The following ZC3H12B variants were observed in gnomAD, a reference collection of about 807,000 sequenced individuals.
ZC3H12B encodes probable ribonuclease ZC3H12B.
In ZC3H12B, 7 loss-of-function variants were observed where a neutral mutation model predicts 43.9. That is an observed-to-expected ratio of 0.16 (90% CI 0.09 to 0.30). The LOEUF (loss-of-function observed/expected upper bound fraction) is 0.30, where lower values mean the gene tolerates loss of function less well. ZC3H12B is among the 10% of genes least tolerant of loss of function. The pLI is 1.00. For synonymous variants in ZC3H12B, 222 were observed against 241.7 expected (o/e 0.92, Z 0.76); for missense variants, 475 against 670.2 (o/e 0.71, Z 3.22).
rs762672726 is a variant in ZC3H12B, at chrX:65,480,572, C to T, written n.408-8074C>T. On this transcript the variant is annotated intron_variant and non_coding_transcript_variant, in intron 3 of 5. Coordinates refer to the ZC3H12B transcript ENST00000617377. ...TATAAGAGTACAAGAATGGGCCAGACGCAGTGGCTCACGCCAGTAATCCCA... is the reference window on the plus strand; with the variant it reads ...TATAAGAGTACAAGAATGGGCCAGATGCAGTGGCTCACGCCAGTAATCCCA... 6.1e-4 allele frequency among the ~76,000 whole-genome samples: 68 copies of T among 112,210 alleles called. No individual in the cohort carries two copies. The South Asian group carries it at 0.013, about 21-fold the overall frequency.
the ZC3H12B span, among the ~76,000 whole-genome samples, chrX:65,058,263 G>T: frequency 6.3e-5 from 7 of 111,846 alleles, no homozygotes; most frequent in East Asian, 1.4e-3. Flanking sequence ...GGGTTTTGGT[G>T]TGGATGTCCT....
At chrX:65,235,749 T>A in the ZC3H12B span, among the ~76,000 whole-genome samples, 1 of 111,912 alleles carries the variant, frequency 8.9e-6, no homozygotes, top group Admixed American at 9.5e-5. Context: ...GTGTTACAGC[T>A]CTTGATCAGG....
the ZC3H12B span, among the ~76,000 whole-genome samples, chrX:65,122,515 A>G: frequency 9.0e-6 from 1 of 111,506 alleles, no homozygotes; most frequent in Non-Finnish European, 1.9e-5. Context: ...TAATGACAGG[A>G]TCAAATTCAC....
the ZC3H12B span, among the ~76,000 whole-genome samples, chrX:65,294,005 C>T: frequency 9.0e-6 from 1 of 111,383 alleles, no homozygotes; most frequent in African/African-American, 3.3e-5. Flanking sequence ...GCTCAAAGAA[C>T]GCCCAGGAAA....
At chrX:65,244,727 CAA>C in the ZC3H12B span, among the ~76,000 whole-genome samples, 22 of 20,368 alleles carry the variant, frequency 1.1e-3, no homozygotes, top group Admixed American at 4.7e-3. Context: ...AATACCTTGC[CAA>C]AAAAAAAAAA....
the ZC3H12B span, among the ~76,000 whole-genome samples, chrX:65,248,649 T>A: frequency 8.9e-6 from 1 of 111,871 alleles, no homozygotes; most frequent in Non-Finnish European, 1.9e-5. Flanking sequence ...CTTTAAGGAA[T>A]CTTCACGCTG....
At chrX:65,187,608 G>A in the ZC3H12B span, among the ~76,000 whole-genome samples, 1 of 109,095 alleles carries the variant, frequency 9.2e-6, no homozygotes, top group Non-Finnish European at 1.9e-5. Flanking sequence ...GGCAAAAACC[G>A]CAATTACTTT....
At chrX:65,156,828 C>CATT in the ZC3H12B span, among the ~76,000 whole-genome samples, 2 of 111,300 alleles carry the variant, frequency 1.8e-5, no homozygotes, top group Admixed American at 9.6e-5. Context: ...GTTTTGTTGT[C>CATT]GTTGTTGTTT....
At chrX:65,278,296 CCA>C in the ZC3H12B span, among the ~76,000 whole-genome samples, 1 of 111,422 alleles carries the variant, frequency 9.0e-6, no homozygotes, top group Non-Finnish European at 1.9e-5. Flanking sequence ...TCCACCTGTG[CCA>C]CGACAGTTTA....
the ZC3H12B span, among the ~76,000 whole-genome samples, chrX:65,346,046 C>A: frequency 1.8e-5 from 2 of 110,955 alleles, no homozygotes; most frequent in African/African-American, 6.5e-5. Context: ...CTCATACAAC[C>A]CAAAGCAATA....
the ZC3H12B span, among the ~76,000 whole-genome samples, chrX:65,243,618 G>A: frequency 9.0e-6 from 1 of 111,109 alleles, no homozygotes; most frequent in African/African-American, 3.3e-5. Flanking sequence ...CCTACAATTG[G>A]GAATATATTC....
the ZC3H12B span, among the ~76,000 whole-genome samples, chrX:65,064,691 TCTC>T: frequency 1.8e-5 from 2 of 111,673 alleles, no homozygotes; most frequent in Middle Eastern, 4.6e-3. Context: ...AAGTCCGAAA[TCTC>T]CTTGTTAATT....
chrX:65,463,650 C>G (rs2067780924), intron 3 of ZC3H12B, among the ~76,000 whole-genome samples: 1 of 111,050 alleles, frequency 9.0e-6, no homozygotes, highest in Non-Finnish European at 1.9e-5. Context: ...AAGCTTGTAA[C>G]TGCATCTTTC....
At chrX:65,388,862 G>A (rs2066569294) in intron 2 of ZC3H12B, among the ~76,000 whole-genome samples, 2 of 112,096 alleles carry the variant, frequency 1.8e-5, no homozygotes, top group Admixed American at 1.9e-4. Context: ...TAACAGACAG[G>A]ACCCTCAGCT....
At chrX:65,321,218 G>T in the ZC3H12B span, among the ~76,000 whole-genome samples, 2 of 111,154 alleles carry the variant, frequency 1.8e-5, no homozygotes, top group African/African-American at 6.6e-5. Context: ...CAATTAAAAA[G>T]TGGACAAAGG....
At chrX:65,261,096 T>G in the ZC3H12B span, among the ~76,000 whole-genome samples, 1 of 111,906 alleles carries the variant, frequency 8.9e-6, no homozygotes, top group Non-Finnish European at 1.9e-5. Context: ...TAAATCAAAT[T>G]ATAAAAACCA....
At chrX:65,373,986 A>ATATATATAAC (rs1569379791) in intron 2 of ZC3H12B, among the ~76,000 whole-genome samples, 1 of 28,903 alleles carries the variant, frequency 3.5e-5, no homozygotes, top group African/African-American at 2.4e-4. Context: ...TATATATACT[A>ATATATATAAC]TATATATATA....
chrX:65,470,783 A>C (rs749859214), intron 3 of ZC3H12B, among the ~76,000 whole-genome samples: 1 of 111,980 alleles, frequency 8.9e-6, no homozygotes, highest in East Asian at 2.8e-4. Context: ...TTTCGTTTTT[A>C]ACCCAAAAAT....
the ZC3H12B span, among the ~76,000 whole-genome samples, chrX:65,172,969 A>T: frequency 1.8e-5 from 2 of 111,867 alleles, no homozygotes; most frequent in Admixed American, 9.6e-5. Flanking sequence ...TACAAAGTCA[A>T]TGGTAGTTTG....
Sources: gnomAD v4.1 joint callset for allele counts (sites outside exome capture counted in the v4.1 genomes callset) on GRCh38, gnomAD v4.1.1 for gene constraint, MANE v1.5 for transcripts, NCBI Gene and HGNC (gene_info 2026-07-23, HGNC 2026-07-21) for gene names.